The following PCDH9 variants were observed in gnomAD, a reference collection of about 807,000 sequenced individuals.
The protein encoded by PCDH9 is protocadherin-9.
Under a neutral mutation model 70.6 loss-of-function variants are expected in PCDH9, and 24 were observed. That is an observed-to-expected ratio of 0.34 (90% CI 0.25 to 0.48). The LOEUF is 0.48. PCDH9 is among the 20% of genes least tolerant of loss of function. PCDH9 has a pLI of 0.99. For synonymous variants in PCDH9, 562 were observed against 558.5 expected (o/e 1.01, Z -0.09); for missense variants, 1,281 against 1,503.6 (o/e 0.85, Z 2.45).
At chr13:66,876,759 A>G (rs945877092) in intron 3 of PCDH9, 9 of 152,164 alleles carry the variant, frequency 5.9e-5, no homozygotes, top group Non-Finnish European at 8.8e-5. Context: ...ATCAGCAGGC[A>G]AAATGCAACC....
intron 4 of PCDH9, among the ~76,000 whole-genome samples, chr13:66,626,598 G>T (rs2077501944): frequency 6.6e-6 from 1 of 152,002 alleles, no homozygotes; most frequent in Non-Finnish European, 1.5e-5. Flanking sequence ...GGTAAAAAAA[G>T]AACCGAAGTT....
intron 4 of PCDH9, among the ~76,000 whole-genome samples, chr13:66,551,776 A>T (rs1471952093): frequency 6.6e-6 from 1 of 152,188 alleles, no homozygotes; most frequent in African/African-American, 2.4e-5. Flanking sequence ...CGTTAAAACC[A>T]CGTAGAATAA....
chr13:66,613,982 C>T (rs953285428), intron 4 of PCDH9, among the ~76,000 whole-genome samples: 27 of 152,120 alleles, frequency 1.8e-4, no homozygotes, highest in Non-Finnish European at 2.1e-4. Context: ...GACTTGCAGG[C>T]TTCACAATTG....
At position 66,750,138 on chromosome 13, in the gene PCDH9, T is replaced by C. The variant is rs186243527; in HGVS notation, c.3139-118727A>G. On this transcript the variant is annotated intron_variant, in intron 3 of 4. Transcript: ENST00000377865. ...AAAAAATGAGGAGTAAGATATCTTA[T>C]TTCTCTTTTAAAAATTGAGCATCAT... Among the ~76,000 whole-genome samples the C allele has an allele frequency of 3.9e-5, 6 of 152,198 alleles. No homozygotes were observed. In the East Asian group the frequency reaches 9.7e-4, roughly 24 times the overall value.
intron 4 of PCDH9, among the ~76,000 whole-genome samples, chr13:66,349,518 C>G (rs1298748344): frequency 6.6e-6 from 1 of 152,158 alleles, no homozygotes; most frequent in Non-Finnish European, 1.5e-5. Context: ...ACACCCAGAG[C>G]TTTTTTCACA....
chr13:66,569,707 T>A (rs1020054209), intron 4 of PCDH9, among the ~76,000 whole-genome samples: 3 of 152,146 alleles, frequency 2.0e-5, no homozygotes, highest in African/African-American at 7.2e-5. Flanking sequence ...ATTTATAGGT[T>A]AATTATAACC....
intron 4 of PCDH9, among the ~76,000 whole-genome samples, chr13:66,394,534 A>T (rs780113987): frequency 1.4e-4 from 21 of 152,188 alleles, no homozygotes; most frequent in Non-Finnish European, 2.6e-4. Flanking sequence ...AACACAATTA[A>T]GTATGCTTAT....
intron 4 of PCDH9, among the ~76,000 whole-genome samples, chr13:66,445,768 T>C (rs985748868): frequency 3.5e-5 from 5 of 142,750 alleles, no homozygotes; most frequent in African/African-American, 1.3e-4. Context: ...TACATACACA[T>C]ATATATTATA....
intron 4 of PCDH9, among the ~76,000 whole-genome samples, chr13:66,491,385 T>TTGTGTGTGTGTGTGTGTGTG (rs71106974): frequency 0.036 from 4,898 of 135,998 alleles, 195 homozygotes; most frequent in African/African-American, 0.061. Flanking sequence ...GCAGGAGATA[T>TTGTGTGTGTGTGTGTGTGTG]TGTGTGTGTG....
At chr13:66,968,790 T>C (rs1026039338) in intron 2 of PCDH9, among the ~76,000 whole-genome samples, 1 of 152,050 alleles carries the variant, frequency 6.6e-6, no homozygotes, top group Admixed American at 6.6e-5. Flanking sequence ...TGATTATTTA[T>C]TATGTTTTAG....
chr13:66,976,676 C>A (rs746993465), intron 2 of PCDH9, among the ~76,000 whole-genome samples: 2 of 152,008 alleles, frequency 1.3e-5, no homozygotes, highest in Non-Finnish European at 2.9e-5. Context: ...TCAGAACAAG[C>A]GCCTTTAGGT....
At chr13:66,494,587 C>T (rs1337797705) in intron 4 of PCDH9, among the ~76,000 whole-genome samples, 1 of 152,130 alleles carries the variant, frequency 6.6e-6, no homozygotes, top group Non-Finnish European at 1.5e-5. Context: ...CTCACTCTCT[C>T]CATACCCCCA....
chr13:67,140,567 A>G (rs2087356920), intron 2 of PCDH9, among the ~76,000 whole-genome samples: 1 of 152,138 alleles, frequency 6.6e-6, no homozygotes, highest in Non-Finnish European at 1.5e-5. Flanking sequence ...AATTACCTTC[A>G]GTGCTTTATA....
chr13:67,181,642 A>G (rs183629032), intron 2 of PCDH9, among the ~76,000 whole-genome samples: 89 of 152,310 alleles, frequency 5.8e-4, no homozygotes, highest in Middle Eastern at 3.4e-3. Context: ...TGCCAGCTCT[A>G]TAAGTGGATA....
chr13:66,465,705 TA>T (rs1033608667), intron 4 of PCDH9, among the ~76,000 whole-genome samples: 66 of 152,020 alleles, frequency 4.3e-4, no homozygotes, highest in African/African-American at 1.5e-3. Context: ...AAATTATTAT[TA>T]AAAGTATGAA....
chr13:67,063,023 G>A (rs746873014), intron 2 of PCDH9, among the ~76,000 whole-genome samples: 23 of 152,134 alleles, frequency 1.5e-4, no homozygotes, highest in Non-Finnish European at 3.2e-4. Flanking sequence ...AATCAGGATA[G>A]TCTAGATTAT....
chr13:66,437,749 A>C (rs563136421), intron 4 of PCDH9, among the ~76,000 whole-genome samples: 1 of 152,222 alleles, frequency 6.6e-6, no homozygotes, highest in South Asian at 2.1e-4. Flanking sequence ...GTATCTGCTA[A>C]AGCTGAAAAA....
intron 2 of PCDH9, among the ~76,000 whole-genome samples, chr13:67,197,831 A>G (rs1593605430): frequency 6.6e-6 from 1 of 151,936 alleles, no homozygotes; most frequent in Admixed American, 6.6e-5. Context: ...TATTTAGCAC[A>G]TATATTTTAA....
intron 2 of PCDH9, among the ~76,000 whole-genome samples, chr13:66,913,961 C>T (rs1261696632): frequency 6.6e-6 from 1 of 151,900 alleles, no homozygotes; most frequent in Non-Finnish European, 1.5e-5. Context: ...TCTACCTCCA[C>T]TTTCTTTCCA....
Sources: gnomAD v4.1 joint callset for allele counts (sites outside exome capture counted in the v4.1 genomes callset) on GRCh38, gnomAD v4.1.1 for gene constraint, MANE v1.5 for transcripts, NCBI Gene and HGNC (gene_info 2026-07-23, HGNC 2026-07-21) for gene names.